LETMD1: variants seen among roughly 807,000 people sequenced by gnomAD.
LETMD1 encodes LETM1 domain-containing protein 1.
In LETMD1, 30 loss-of-function variants were observed where a neutral mutation model predicts 43.9. That is an observed-to-expected ratio of 0.68 (90% CI 0.51 to 0.93). The LOEUF is 0.93. Among genes scored for constraint, LETMD1 ranks in the 40% least tolerant of loss-of-function variants. The pLI is 0.00. For synonymous variants in LETMD1, 176 were observed against 163.1 expected (o/e 1.08, Z -0.60); for missense variants, 413 against 447.7 (o/e 0.92, Z 0.70).
chr12:51,067,199 G>C, the LETMD1 span, among the ~76,000 whole-genome samples: 1 of 151,996 alleles, frequency 6.6e-6, no homozygotes, highest in South Asian at 2.1e-4. This position sits in a 1 kb window ranked among gnomAD's most constrained non-coding sequence, Gnocchi z 4.1. Flanking sequence ...TTAGGAATCA[G>C]TATTTAGGAA....
chr12:51,065,814 T>C, the LETMD1 span, among the ~76,000 whole-genome samples: 1 of 152,088 alleles, frequency 6.6e-6, no homozygotes, highest in Non-Finnish European at 1.5e-5. Context: ...AATGACTCAT[T>C]ATGGGACTTT....
downstream of LETMD1, chr12:51,064,558 T>C (rs902158213): frequency 2.5e-6 from 4 of 1,613,096 alleles, no homozygotes; most frequent in Non-Finnish European, 3.4e-6. Context: ...TCCAGCTTCA[T>C]AATGGTGTGG....
chr12:51,052,403 T>C, intron 3 of LETMD1, 196 bp downstream of exon 3: 3 of 546,262 alleles, frequency 5.5e-6, no homozygotes, highest in Non-Finnish European at 6.3e-6. Flanking sequence ...TAGCCCTCCA[T>C]AGCAAGAGCT....
At chr12:51,048,751 C>T (rs1292127467) in intron 1 of LETMD1, 1 of 591,718 alleles carries the variant, frequency 1.7e-6, no homozygotes, top group Non-Finnish European at 3.0e-6. Context: ...GCTGCTATCT[C>T]GATTCCACCT....
At chr12:51,061,120 T>C (rs541541797), downstream of LETMD1, 8 of 151,970 alleles carry the variant, frequency 5.3e-5, no homozygotes, top group Admixed American at 1.3e-4. Flanking sequence ...ACTGACCTAA[T>C]TAGTTTTATA....
chr12:51,049,827 G>A (rs974057341), intron 2 of LETMD1, among the ~76,000 whole-genome samples: 4 of 152,180 alleles, frequency 2.6e-5, no homozygotes, highest in Admixed American at 1.3e-4. Context: ...TCACATGATT[G>A]TGAAGACTTT....
At chr12:51,054,816 C>A (rs566950765) in intron 4 of LETMD1, among the ~76,000 whole-genome samples, 1 of 152,084 alleles carries the variant, frequency 6.6e-6, no homozygotes, top group African/African-American at 2.4e-5. Flanking sequence ...AAAAACAAAT[C>A]GTGGCCAGGT....
downstream of LETMD1, chr12:51,063,981 T>C: frequency 6.2e-7 from 1 of 1,613,858 alleles, no homozygotes; most frequent in Non-Finnish European, 8.5e-7. Context: ...GGCAGCTGGG[T>C]CTGTGGAGCT....
chr12:51,056,180 T>G lies in LETMD1; in HGVS notation c.697T>G (p.Leu233Val), dbSNP rs1947665035. Residue 233 changes from leucine to valine, a missense_variant, in exon 6 of 9, where the codon TTG becomes GTG. Transcript: ENST00000262055. ...TACCCACCCAGCAATACATGATATC[T>G]TGGCTCTGAGAGAGTGTTTCTCTAA... ...RGTHPAIHDI[L>V]ALRECFSNHP... 6.2e-7 allele frequency: 1 copy of G among 1,614,132 alleles called. No individual in the cohort carries two copies. The highest frequency in any genetic ancestry group is 8.5e-7 in the Non-Finnish European group (1 of 1,180,050).
At chr12:51,048,285 C>T (rs533555037), upstream of LETMD1, 4 of 1,605,770 alleles carry the variant, frequency 2.5e-6, no homozygotes, top group Non-Finnish European at 3.4e-6. Context: ...CATGCGTCTT[C>T]GAACGAACGC....
At chr12:51,056,542 G>A (rs768111159) in intron 7 of LETMD1, 40 bp downstream of exon 7, 2 of 1,612,312 alleles carry the variant, frequency 1.2e-6, no homozygotes, top group Non-Finnish European at 1.7e-6. Context: ...AACCCTTGGT[G>A]TGCTTTTGAG....
chr12:51,055,616 G>T, intron 4 of LETMD1: 1 of 419,336 alleles, frequency 2.4e-6, no homozygotes, highest in Non-Finnish European at 4.1e-6. Flanking sequence ...AGTGAGCTGT[G>T]ATCTTGCCAC....
chr12:51,068,280 TA>T, the LETMD1 span, among the ~76,000 whole-genome samples: 4 of 152,036 alleles, frequency 2.6e-5, no homozygotes, highest in Admixed American at 2.0e-4. Context: ...GCCTCCCAAG[TA>T]GTTGGGATTA....
In LETMD1 at chr12:51,056,399, T is replaced by C. The variant is rs746398701; in HGVS notation, c.812T>C (p.Leu271Ser). ...CTCACATCTTACCTGCCTCCTCCCT[T>C]GTTGAGACATCGTTTGAAGACTCAT... is the stretch of plus-strand genomic sequence containing the variant. ...MLLTSYLPPP[L>S]LRHRLKTHTT... Residue 271 changes from leucine (L) to serine (S), a missense_variant, in exon 7 of 9, where the codon TTG becomes TCG. Physicochemically the swap from Leu to Ser is moderately radical, Grantham distance 145. Transcript: ENST00000262055. The C allele has an allele frequency of 2.5e-6, 4 of 1,614,092 alleles. No individual in the cohort carries two copies. Among genetic ancestry groups the C allele is most frequent in the Admixed American group, 1.7e-5 (1 of 59,992 alleles).
At chr12:51,053,700 A>G in intron 3 of LETMD1, 78 bp from the exon 4 acceptor site, 1 of 947,562 alleles carries the variant, frequency 1.1e-6, no homozygotes, top group African/African-American at 1.6e-5. Context: ...AGTTTACTGT[A>G]CAGTGGGGTG....
chr12:51,048,353 G>C lies in LETMD1; in HGVS notation c.-4G>C, dbSNP rs1400589748. ...TCTTCTCTCCCGCTTCTCTCGCTGT[G>C]AAGATGGCGCTCTCCAGGGTGTGCT... is the stretch of plus-strand genomic sequence containing the variant. On this transcript the variant is annotated 5_prime_UTR_variant, in exon 1 of 9. Transcript: ENST00000262055. 6.2e-7 allele frequency: 1 copy of C among 1,613,978 alleles called. No individual in the cohort carries two copies. Among genetic ancestry groups the C allele is most frequent in the Admixed American group, 1.7e-5 (1 of 59,984 alleles).
chr12:51,048,726 G>T, intron 1 of LETMD1: 1 of 605,096 alleles, frequency 1.7e-6, no homozygotes, highest in Non-Finnish European at 2.9e-6. Context: ...TCACTTTTTC[G>T]GCTCAGGTTT....
Position 51,056,222 on chromosome 12 carries a change from A to C in LETMD1, c.739A>C (p.Asn247His). The C allele has an allele frequency of 6.2e-7, 1 of 1,614,238 alleles. No homozygotes were observed. The highest frequency in any genetic ancestry group is 1.1e-5 in the South Asian group (1 of 91,084). Residue 247 changes from asparagine to histidine, a missense_variant, in exon 6 of 9, where the codon AAC becomes CAC. Physicochemically the swap from Asn to His is moderately conservative, Grantham distance 68. Coordinates refer to ENST00000262055, the MANE Select transcript of LETMD1 (RefSeq NM_015416.5). ...TTTCTCTAACCATCCTCTGGGCATG[A>C]ACCAACTCCAGGCTTTGCACGTGGT... ...ECFSNHPLGM[N>H]QLQALHVKAL...
At chr12:51,060,589 G>GAAA (rs1303060706), downstream of LETMD1, among the ~76,000 whole-genome samples, 1 of 152,156 alleles carries the variant, frequency 6.6e-6, no homozygotes, top group East Asian at 1.9e-4. Flanking sequence ...TGATAACAAG[G>GAAA]AAAAGAGAAT....
Sources: gnomAD v4.1 joint callset for allele counts (sites outside exome capture counted in the v4.1 genomes callset) on GRCh38, gnomAD v4.1.1 for gene constraint, Gnocchi (gnomAD v3.1) non-coding constraint, MANE v1.5 for transcripts, NCBI Gene and HGNC (gene_info 2026-07-23, HGNC 2026-07-21) for gene names.